The following SH3BP4 variants were observed in gnomAD, a reference collection of about 807,000 sequenced individuals.
The protein encoded by SH3BP4 is SH3 domain-binding protein 4.
SH3BP4 carries 33 observed loss-of-function variants against 65.5 expected under a neutral mutation model. The observed-to-expected ratio is 0.50, with a 90% CI of 0.38 to 0.67. The LOEUF is 0.67. Ranked by LOEUF, SH3BP4 falls within the 30% of genes least tolerant of loss-of-function variation. The pLI is 0.00. For missense variants in SH3BP4, 1,134 were observed against 1,261.4 expected (o/e 0.90, Z 1.53); for synonymous variants, 552 against 545.5 (o/e 1.01, Z -0.17).
At position 235,033,667 on chromosome 2, in the gene SH3BP4, C is replaced by T. The variant is rs1574836718; in HGVS notation, c.-132-1204C>T. 6.6e-6 allele frequency among the ~76,000 whole-genome samples: 1 copy of T among 152,210 alleles called. No individual in the cohort carries two copies. The highest frequency in any genetic ancestry group is 1.9e-4 in the East Asian group (1 of 5,196). On this transcript the variant is annotated intron_variant, in intron 2 of 5. Transcript: ENST00000392011. The surrounding 1 kb of genome is among the most constrained non-coding windows in gnomAD (Gnocchi z 5.7). Reference sequence around the variant, plus strand: ...TTAAATATTGAACACAAGATGGTCCCTATAGCAGCATGTGGACACACGCCT... The same window carrying T: ...TTAAATATTGAACACAAGATGGTCCTTATAGCAGCATGTGGACACACGCCT...
intron 2 of SH3BP4, among the ~76,000 whole-genome samples, chr2:235,023,954 G>A (rs1463183185): frequency 6.6e-6 from 1 of 152,148 alleles, no homozygotes; most frequent in Non-Finnish European, 1.5e-5. Flanking sequence ...ATTTCCTAAA[G>A]ACGGGTATAT....
intron 2 of SH3BP4, among the ~76,000 whole-genome samples, chr2:235,016,504 TTTC>T (rs2106303432): frequency 6.6e-6 from 1 of 152,162 alleles, no homozygotes; most frequent in East Asian, 1.9e-4. Flanking sequence ...CGTCCTTTCT[TTTC>T]TTTTCTTTTT....
chr2:235,014,651 G>C (rs1694630259), intron 2 of SH3BP4, among the ~76,000 whole-genome samples: 2 of 152,094 alleles, frequency 1.3e-5, no homozygotes, highest in African/African-American at 4.8e-5. Context: ...TCCACTCCTT[G>C]GCATCCCTTC....
At chr2:234,989,852 G>A (rs1246113834) in intron 1 of SH3BP4, among the ~76,000 whole-genome samples, 1 of 152,172 alleles carries the variant, frequency 6.6e-6, no homozygotes, top group African/African-American at 2.4e-5. Flanking sequence ...GCTGTAGTTT[G>A]CCTCTGGGTT....
At position 235,035,076 on chromosome 2, in the gene SH3BP4, A is replaced by G; in HGVS notation, c.74A>G (p.Asp25Gly). 1 of 1,614,090 alleles carries G rather than the reference A, an allele frequency of 6.2e-7. No individual in the cohort carries two copies. Among genetic ancestry groups the G allele is most frequent in the Non-Finnish European group, 8.5e-7 (1 of 1,179,990 alleles). Reference protein sequence around the residue: ...PRCKSEGTLIDLSEGFSETSF... With the variant: ...PRCKSEGTLIGLSEGFSETSF... Reference sequence around the variant, plus strand: ...TGCAAGTCAGAGGGGACCCTGATTGACCTGAGCGAAGGGTTTTCAGAGACG... The same window carrying G: ...TGCAAGTCAGAGGGGACCCTGATTGGCCTGAGCGAAGGGTTTTCAGAGACG... The change falls in exon 3 of 6, where the codon GAC (aspartate) becomes GGC (glycine). Residue 25 changes from aspartate (D) to glycine (G), a missense_variant. Coordinates refer to ENST00000392011, the MANE Select transcript of SH3BP4 (RefSeq NM_014521.3). The surrounding 1 kb of genome is among the most constrained non-coding windows in gnomAD (Gnocchi z 5.0).
intron 1 of SH3BP4, among the ~76,000 whole-genome samples, chr2:234,982,467 G>A (rs1224263269): frequency 6.6e-6 from 1 of 152,222 alleles, no homozygotes; most frequent in Admixed American, 6.5e-5. Flanking sequence ...AAGCCCAGCA[G>A]CTGGAGGGCA....
rs116393744 is a variant in SH3BP4, at chr2:235,018,599, C to T, written c.-132-16272C>T. 6.5e-3 allele frequency among the ~76,000 whole-genome samples: 987 copies of T among 152,250 alleles called. 8 individuals carry two copies. The highest frequency in any genetic ancestry group is 0.022 in the South Asian group (106 of 4,822). ...TGAGCAAAAAAGATAGGTATTATTA[C>T]GAGTAATTTAGATGACTGTTGTTTC... is the stretch of plus-strand genomic sequence containing the variant. On this transcript the variant is annotated intron_variant, in intron 2 of 5. Coordinates refer to ENST00000392011, the MANE Select transcript of SH3BP4 (RefSeq NM_014521.3).
rs1692497631 is a variant in SH3BP4 at position 234,952,584 on chromosome 2, G to A, written c.-207+414G>A. The A allele has an allele frequency of 2.0e-5, 3 of 152,158 alleles. No individual in the cohort carries two copies. The allele number at this position is 152,158 out of a possible 1,614,324, so 9.4% of individuals were successfully genotyped here. On this transcript the variant is annotated intron_variant, in intron 1 of 5. Coordinates refer to ENST00000392011, the MANE Select transcript of SH3BP4 (RefSeq NM_014521.3). This position sits in a 1 kb window ranked among gnomAD's most constrained non-coding sequence, Gnocchi z 6.5. The stretch of plus-strand genomic sequence containing the variant: ...ATCGGGGGGCGCGCTCGGCTCACGG[G>A]GGCCGTGGGGGCCACGGGAGGGCGT...
chr2:235,053,450 C>T (rs893332669), intron 5 of SH3BP4, 142 bp from the exon 6 acceptor site: 14 of 659,326 alleles, frequency 2.1e-5, no homozygotes, highest in Non-Finnish European at 3.7e-5. Context: ...ACTGTTTCTT[C>T]TGTGGGCTTG....
At chr2:235,038,408 T>C (rs1695528273) in intron 3 of SH3BP4, among the ~76,000 whole-genome samples, 1 of 105,402 alleles carries the variant, frequency 9.5e-6, no homozygotes, top group African/African-American at 3.6e-5. Flanking sequence ...TATATATATA[T>C]ATATATATGA....
Position 235,041,321 on chromosome 2 carries a change from G to A in SH3BP4, c.552G>A (p.Leu184=), listed in dbSNP as rs748076000. 2.7e-5 allele frequency: 44 copies of A among 1,614,062 alleles called. No homozygotes were observed. Among genetic ancestry groups the A allele is most frequent in the Non-Finnish European group, 3.4e-5 (40 of 1,180,050 alleles). ...CCGTCATGCCCAGCCTGGATGAGCTGAATCCCAAAAGTACTGTGGATTTGC... is the reference window on the plus strand; with the variant it reads ...CCGTCATGCCCAGCCTGGATGAGCTAAATCCCAAAAGTACTGTGGATTTGC... ...NVPVMPSLDE[L]NPKSTVDLLL... Residue 184 remains leucine, a synonymous_variant, in exon 4 of 6, where the codon CTG becomes CTA. Coordinates refer to ENST00000392011, the MANE Select transcript of SH3BP4 (RefSeq NM_014521.3). The surrounding 1 kb of genome is among the most constrained non-coding windows in gnomAD (Gnocchi z 6.0).
chr2:234,988,221 G>A lies in SH3BP4; in HGVS notation c.-206-7082G>A, dbSNP rs192187572. On this transcript the variant is annotated intron_variant, in intron 1 of 5. Coordinates refer to ENST00000392011, the MANE Select transcript of SH3BP4 (RefSeq NM_014521.3). The stretch of plus-strand genomic sequence containing the variant: ...ACTATGGGCGCCCACCACCACGCCT[G>A]GCTAATTTTTTGTATTTTTAGTAGA... Among the ~76,000 whole-genome samples, 365 of 152,102 alleles carry A rather than the reference G, an allele frequency of 2.4e-3. 2 individuals are homozygous for A. The highest frequency in any genetic ancestry group is 8.6e-3 in the African/African-American group (356 of 41,480).
At chr2:235,010,058 G>A (rs1026432653) in intron 2 of SH3BP4, among the ~76,000 whole-genome samples, 16 of 151,140 alleles carry the variant, frequency 1.1e-4, no homozygotes, top group South Asian at 8.5e-4. Context: ...TCTACCCTTC[G>A]TCCCATCCCC....
chr2:235,003,558 C>T (rs778692105), intron 2 of SH3BP4, among the ~76,000 whole-genome samples: 14 of 152,218 alleles, frequency 9.2e-5, no homozygotes, highest in Non-Finnish European at 1.9e-4. Flanking sequence ...GAACTAAACT[C>T]TCTGGTCTGA....
chr2:234,976,558 G>T lies in SH3BP4; in HGVS notation c.-206-18745G>T, dbSNP rs921683634. On this transcript the variant is annotated intron_variant, in intron 1 of 5. Coordinates refer to ENST00000392011, the MANE Select transcript of SH3BP4 (RefSeq NM_014521.3). The surrounding 1 kb of genome is among the most constrained non-coding windows in gnomAD (Gnocchi z 4.7). The stretch of plus-strand genomic sequence containing the variant: ...TAAATACAGAAGCCGATGTTTACCC[G>T]CCTCTGGTAGCGGACATAGGGGCAT... Among the ~76,000 whole-genome samples, 6 of 152,086 alleles carry T rather than the reference G, an allele frequency of 3.9e-5. No individual in the cohort carries two copies. The highest frequency in any genetic ancestry group is 4.2e-4 in the South Asian group (2 of 4,816).
chr2:235,007,119 T>C (rs1270875341), intron 2 of SH3BP4, among the ~76,000 whole-genome samples: 1 of 151,086 alleles, frequency 6.6e-6, no homozygotes. Context: ...ACCTGTGAAA[T>C]CAAGTAGAGG....
intron 2 of SH3BP4, among the ~76,000 whole-genome samples, chr2:235,000,072 G>A (rs983590940): frequency 1.3e-5 from 2 of 152,252 alleles, no homozygotes; most frequent in African/African-American, 2.4e-5. Context: ...CTGGAGAGGG[G>A]TGAGGCCACA....
intron 2 of SH3BP4, among the ~76,000 whole-genome samples, chr2:235,012,746 C>T (rs1007632132): frequency 1.3e-5 from 2 of 152,234 alleles, no homozygotes; most frequent in African/African-American, 4.8e-5. Context: ...GAGTGCATTA[C>T]GCACTTCTAA....
Position 235,034,900 on chromosome 2 carries a change from C to T in SH3BP4, c.-103C>T, listed in dbSNP as rs1016745623. The T allele has an allele frequency of 8.5e-6, 8 of 941,710 alleles. No homozygotes were observed. The highest frequency in any genetic ancestry group is 1.3e-5 in the Non-Finnish European group (8 of 602,880). The allele number at this position is 941,710 out of a possible 1,614,324, so 58.3% of individuals were successfully genotyped here. ...AAACATATTGCCGAGTGGATGCCGC[C>T]GCGCAGCGTGTTTGCTTGAGGCAGA... On this transcript the variant is annotated 5_prime_UTR_variant, in exon 3 of 6. Transcript: ENST00000392011. The surrounding 1 kb of genome is among the most constrained non-coding windows in gnomAD (Gnocchi z 6.2).
Sources: allele counts gnomAD v4.1 joint callset (sites outside exome capture counted in the v4.1 genomes callset), GRCh38; gene constraint gnomAD v4.1.1; non-coding constraint Gnocchi (gnomAD v3.1); transcripts MANE v1.5; gene names NCBI Gene and HGNC (gene_info 2026-07-23, HGNC 2026-07-21).